The following COL28A1 variants were observed in gnomAD, a reference collection of about 807,000 sequenced individuals.
COL28A1 encodes collagen alpha-1(XXVIII) chain.
A neutral mutation model predicts 150.2 loss-of-function variants in COL28A1; 161 were observed. The ratio of observed to expected loss-of-function variants is 1.07; its 90% CI spans 0.94 to 1.22. The LOEUF is 1.22. COL28A1 is among the 50% of genes most tolerant of loss of function. The pLI, the probability that COL28A1 is intolerant of heterozygous loss-of-function variation, is 0.00. For synonymous variants in COL28A1, 552 were observed against 469.7 expected, an observed-to-expected ratio of 1.18 and a Z score of -2.26; for missense variants, 1,617 against 1,388.3, an observed-to-expected ratio of 1.16 and a Z score of -2.62.
rs1788964713 is a variant in COL28A1 at position 7,477,189 on chromosome 7, G to A, written c.1165-9C>T. The A allele has an allele frequency of 3.7e-6, 4 of 1,085,920 alleles. No homozygotes were observed. The highest frequency in any genetic ancestry group is 3.1e-5 in the African/African-American group (2 of 65,186). 67.3% of individuals were successfully genotyped at this position (1,085,920 alleles called of 1,614,324 possible). On this transcript the variant is annotated splice_polypyrimidine_tract_variant and intron_variant, in intron 13 of 34. Coordinates refer to ENST00000399429, the MANE Select transcript of COL28A1 (RefSeq NM_001037763.3). Reference sequence around the variant, plus strand: ...TCAGGACCACGGGGACCCTGGTTAGGATAGGAGAAAATGAGGAGCAGGAGG... The same window carrying A: ...TCAGGACCACGGGGACCCTGGTTAGAATAGGAGAAAATGAGGAGCAGGAGG...
At chr7:7,424,734 G>A (rs1427838092) in intron 25 of COL28A1, among the ~76,000 whole-genome samples, 1 of 151,904 alleles carries the variant, frequency 6.6e-6, no homozygotes, top group Non-Finnish European at 1.5e-5. Flanking sequence ...GAAGAATAAC[G>A]GACTGTTTAG....
chr7:7,528,602 G>C (rs116903840), intron 3 of COL28A1, among the ~76,000 whole-genome samples: 1 of 152,168 alleles, frequency 6.6e-6, no homozygotes, highest in Non-Finnish European at 1.5e-5. Flanking sequence ...ACCCTGATGA[G>C]TTTGAAAATC....
intron 15 of COL28A1, among the ~76,000 whole-genome samples, chr7:7,466,482 G>T (rs1583442724): frequency 1.0e-5 from 1 of 100,368 alleles, no homozygotes; most frequent in East Asian, 2.7e-4. Flanking sequence ...ACGTCTGATT[G>T]GTGTACCTGA....
At chr7:7,517,019 A>G (rs10242691) in intron 7 of COL28A1, among the ~76,000 whole-genome samples, 5,182 of 152,288 alleles carry the variant, frequency 0.034, 318 homozygotes, top group African/African-American at 0.12. Flanking sequence ...AAATACAAGT[A>G]CTTTATCTTA....
At chr7:7,437,029 C>T (rs1228365215) in intron 22 of COL28A1, among the ~76,000 whole-genome samples, 1 of 152,076 alleles carries the variant, frequency 6.6e-6, no homozygotes, top group Non-Finnish European at 1.5e-5. Context: ...AAGAGTGAGA[C>T]TGTCTCAAAA....
At chr7:7,459,024 G>A (rs1374899993) in intron 15 of COL28A1, among the ~76,000 whole-genome samples, 1 of 152,118 alleles carries the variant, frequency 6.6e-6, no homozygotes, top group Non-Finnish European at 1.5e-5. Context: ...CAAGCCCTCT[G>A]AATCTAGTGT....
At chr7:7,479,768 G>A (rs1033633268) in intron 13 of COL28A1, among the ~76,000 whole-genome samples, 1 of 152,078 alleles carries the variant, frequency 6.6e-6, no homozygotes, top group Admixed American at 6.5e-5. Context: ...ACACAGTCTC[G>A]GGCTTTGAAA....
chr7:7,403,108 A>G (rs546505964), intron 27 of COL28A1, among the ~76,000 whole-genome samples: 2 of 152,308 alleles, frequency 1.3e-5, no homozygotes, highest in African/African-American at 4.8e-5. Flanking sequence ...TTCAAGAGAC[A>G]GGGAAGGCTT....
intron 22 of COL28A1, among the ~76,000 whole-genome samples, chr7:7,436,848 C>A (rs889251964): frequency 6.6e-6 from 1 of 152,046 alleles, no homozygotes; most frequent in African/African-American, 2.4e-5. Flanking sequence ...AAGATGAGCC[C>A]GGCCAACATG....
At position 7,373,762 on chromosome 7, in the gene COL28A1, G is replaced by C. The variant is rs113920721; in HGVS notation, c.2360-216C>G. ...CGCCCAGGTTGGAGTGCAGTGGCGC[G>C]ATCTCGGCTCACTGCAGGCTCCGTC... On this transcript the variant is annotated intron_variant, in intron 31 of 34. Coordinates refer to ENST00000399429, the MANE Select transcript of COL28A1 (RefSeq NM_001037763.3). The surrounding 1 kb of genome is among the most constrained non-coding windows in gnomAD (Gnocchi z 4.1). Among the ~76,000 whole-genome samples the C allele has an allele frequency of 0.033, 5,035 of 150,930 alleles. 104 individuals are homozygous for C. The highest frequency in any genetic ancestry group is 0.049 in the Non-Finnish European group (3,346 of 67,770).
At chr7:7,400,892 A>G (rs1583294529) in intron 27 of COL28A1, among the ~76,000 whole-genome samples, 1 of 150,662 alleles carries the variant, frequency 6.6e-6, no homozygotes, top group South Asian at 2.1e-4. Flanking sequence ...TATTCCCTTT[A>G]CCCTAATTCA....
chr7:7,431,591 C>A (rs1403529912), intron 25 of COL28A1: 1 of 471,044 alleles, frequency 2.1e-6, no homozygotes, highest in Non-Finnish European at 4.4e-6. Flanking sequence ...GGAGAAATGA[C>A]AGAAGCTGCA....
intron 8 of COL28A1, chr7:7,511,941 TAA>T: frequency 2.9e-6 from 1 of 342,210 alleles, no homozygotes; most frequent in Non-Finnish European, 5.9e-6. Flanking sequence ...CTGTCTGAGA[TAA>T]ATATTAATCC....
chr7:7,343,828 T>A, the COL28A1 span, among the ~76,000 whole-genome samples: 1 of 151,902 alleles, frequency 6.6e-6, no homozygotes, highest in Non-Finnish European at 1.5e-5. Context: ...AGCAACATAG[T>A]GAGACTTGAT....
chr7:7,416,070 TGA>T (rs1424272890), intron 27 of COL28A1, among the ~76,000 whole-genome samples: 2 of 152,238 alleles, frequency 1.3e-5, no homozygotes, highest in Non-Finnish European at 2.9e-5. Context: ...CCCACAGTGC[TGA>T]GATTACAGGC....
chr7:7,447,483 T>C (rs987447741), intron 18 of COL28A1, among the ~76,000 whole-genome samples: 1 of 151,614 alleles, frequency 6.6e-6, no homozygotes, highest in Non-Finnish European at 1.5e-5. Context: ...GGCTGAAAAA[T>C]ATAGCACTTT....
At chr7:7,365,438 C>T (rs9640038) in intron 33 of COL28A1, among the ~76,000 whole-genome samples, 92,304 of 151,950 alleles carry the variant, frequency 0.61, 31,647 homozygotes, top group East Asian at 0.87. Context: ...AGGGCTGCTC[C>T]GTGTAGCTGG....
intron 34 of COL28A1, among the ~76,000 whole-genome samples, chr7:7,360,097 CAGG>C (rs1306991318): frequency 1.3e-5 from 2 of 152,142 alleles, no homozygotes; most frequent in African/African-American, 4.8e-5. Context: ...CTACGGTAAA[CAGG>C]AGAATGCAAT....
chr7:7,442,919 C>T (rs903907678), intron 20 of COL28A1, among the ~76,000 whole-genome samples: 2 of 151,904 alleles, frequency 1.3e-5, no homozygotes, highest in African/African-American at 4.8e-5. Flanking sequence ...CCTGTAGTCC[C>T]AGCTGCTTGG....
Sources: gnomAD v4.1 joint callset for allele counts (sites outside exome capture counted in the v4.1 genomes callset) on GRCh38, gnomAD v4.1.1 for gene constraint, Gnocchi (gnomAD v3.1) non-coding constraint, MANE v1.5 for transcripts, NCBI Gene and HGNC (gene_info 2026-07-23, HGNC 2026-07-21) for gene names.